The following BAG6 variants were observed in gnomAD, a reference collection of about 807,000 sequenced individuals.
BAG6 encodes the protein BAG cochaperone 6.
In BAG6, 22 loss-of-function variants were observed where a neutral mutation model predicts 121.0. The ratio of observed to expected loss-of-function variants is 0.18; its 90% CI spans 0.13 to 0.26. The LOEUF (loss-of-function observed/expected upper bound fraction) is 0.26, where lower values mean the gene tolerates loss of function less well. Ranked by LOEUF, BAG6 falls within the 10% of genes least tolerant of loss-of-function variation. The pLI is 1.00. For synonymous variants in BAG6, 583 were observed against 584.6 expected (o/e 1.00, Z 0.04); for missense variants, 1,233 against 1,537.7 (o/e 0.80, Z 3.31).
chr6:31,639,074 T>C lies in BAG6; in HGVS notation c.*57A>G. On this transcript the variant is annotated 3_prime_UTR_variant, in exon 26 of 26. Coordinates refer to ENST00000676615, the MANE Select transcript of BAG6 (RefSeq NM_001387994.1). ...AATCCGACTTTTATTTCTTAAATAC[T>C]GTGAAGGAAGAGGGGGGAAACGGTC... is the stretch of plus-strand genomic sequence containing the variant. The C allele has an allele frequency of 7.0e-7, 1 of 1,431,586 alleles. No individual in the cohort carries two copies. Among genetic ancestry groups the C allele is most frequent in the Non-Finnish European group, 9.7e-7 (1 of 1,033,368 alleles). 88.7% of individuals were successfully genotyped at this position (1,431,586 alleles called of 1,614,324 possible).
chr6:31,642,359 TG>T lies in BAG6; in HGVS notation c.2087del (p.Pro696HisfsTer102). On this transcript the variant is annotated frameshift_variant, in exon 16 of 26. Coordinates refer to ENST00000676615, the MANE Select transcript of BAG6 (RefSeq NM_001387994.1). LOFTEE classifies it high-confidence loss of function. The part of the protein sequence containing the change: ...APPPPPPPPP[P>X]PPAPEQQTMP... ...TGGTCTGCTGCTCTGGGGCAGGTGG[TG>T]GGGGTGGAGGAGGTGGGGGTGGTGG... is the stretch of plus-strand genomic sequence containing the variant. 5 of 315,294 alleles carry T rather than the reference TG, an allele frequency of 1.6e-5. No homozygotes were observed. Among genetic ancestry groups the T allele is most frequent in the Non-Finnish European group, 1.3e-5 (3 of 222,842 alleles). 19.5% of individuals were successfully genotyped at this position (315,294 alleles called of 1,614,324 possible). A position where few individuals can be genotyped will look rare whatever the true frequency, so the allele number is the denominator to read the frequency against.
rs147628511 is a variant in BAG6 at position 31,639,325 on chromosome 6, C to A, written c.3394-99G>T. ...TCCCTCAGAAGCTAACATTTCCCCCCCCAAGCACACTGTCAAATAGCCCGG... is the reference window on the plus strand; with the variant it reads ...TCCCTCAGAAGCTAACATTTCCCCCACCAAGCACACTGTCAAATAGCCCGG... On this transcript the variant is annotated intron_variant, in intron 25 of 25. Coordinates refer to ENST00000676615, the MANE Select transcript of BAG6 (RefSeq NM_001387994.1). 1.3e-3 allele frequency: 1,876 copies of A among 1,451,870 alleles called. 12 individuals carry two copies. The highest frequency in any genetic ancestry group is 5.5e-3 in the Admixed American group (304 of 54,878). 89.9% of individuals were successfully genotyped at this position (1,451,870 alleles called of 1,614,324 possible).
intron 15 of BAG6, 38 bp downstream of exon 15, chr6:31,642,791 G>C (rs534660309): frequency 1.2e-6 from 2 of 1,601,744 alleles, no homozygotes; most frequent in Admixed American, 3.4e-5. Context: ...TGGGCCGGGG[G>C]ACAGGAAGAT....
At position 31,640,243 on chromosome 6, in the gene BAG6, G is replaced by A; in HGVS notation, c.3202C>T (p.Leu1068=). ...ATACCACTGAGGTAGGCATCACTCAGAGGGGGCTGCGGTTTCACCTTCCGC... is the reference window on the plus strand; with the variant it reads ...ATACCACTGAGGTAGGCATCACTCAAAGGGGGCTGCGGTTTCACCTTCCGC... ...SQRKVKPQPP[L]SDAYLSGMPA... is the part of the protein sequence containing the mutation. Residue 1068 remains leucine (L), a synonymous_variant, in exon 24 of 26, where the codon CTG becomes TTG. Transcript: ENST00000676615. This position sits in a 1 kb window ranked among gnomAD's most constrained non-coding sequence, Gnocchi z 4.2. The A allele has an allele frequency of 1.2e-6, 2 of 1,614,226 alleles. No homozygotes were observed. The highest frequency in any genetic ancestry group is 1.1e-5 in the South Asian group (1 of 91,082).
chr6:31,647,693 T>C lies in BAG6; in HGVS notation c.686A>G (p.Glu229Gly). 1 of 1,604,544 alleles carries C rather than the reference T, an allele frequency of 6.2e-7. No homozygotes were observed. The highest frequency in any genetic ancestry group is 8.5e-7 in the Non-Finnish European group (1 of 1,176,852). The change falls in exon 7 of 26, where the codon GAG (glutamate) becomes GGG (glycine). Residue 229 changes from glutamate (E) to glycine (G), a missense_variant. Coordinates refer to ENST00000676615, the MANE Select transcript of BAG6 (RefSeq NM_001387994.1). Reference protein sequence around the residue: ...ESEAPPREPMEAEEVEERAPA... With the variant: ...ESEAPPREPMGAEEVEERAPA... ...GGCACGCTCCTCCACTTCTTCTGCCTCCATGGGCTCCCGGGGAGGTGCTTC... is the reference window on the plus strand; with the variant it reads ...GGCACGCTCCTCCACTTCTTCTGCCCCCATGGGCTCCCGGGGAGGTGCTTC...
In BAG6 at chr6:31,642,995, G is replaced by A. The variant is rs773406478; in HGVS notation, c.1877C>T (p.Pro626Leu). 9.4e-6 allele frequency: 15 copies of A among 1,595,180 alleles called. No homozygotes were observed. The South Asian group carries it at 1.4e-4, about 14-fold the overall frequency. Residue 626 changes from proline to leucine, a missense_variant, in exon 15 of 26, where the codon CCC becomes CTC. This residue lies in a region of BAG6 where 777 missense variants were observed against 861.4 expected (regional missense o/e 0.90). Coordinates refer to ENST00000676615, the MANE Select transcript of BAG6 (RefSeq NM_001387994.1). Reference protein sequence around the residue: ...PAPGGPAQPPPTPQPSMADLQ... With the variant: ...PAPGGPAQPPLTPQPSMADLQ... Reference sequence around the variant, plus strand: ...ATCAGCCATGGAGGGTTGAGGGGTGGGTGGAGGCTGGGCAGGCCCCCCAGG... The same window carrying A: ...ATCAGCCATGGAGGGTTGAGGGGTGAGTGGAGGCTGGGCAGGCCCCCCAGG...
At position 31,640,704 on chromosome 6, in the gene BAG6, G is replaced by A; in HGVS notation, c.2935C>T (p.Pro979Ser). ...YVRRVGDPPQ[P>S]LPEEPMEVQG... The stretch of plus-strand genomic sequence containing the variant: ...ACTTCCATTGGCTCCTCAGGAAGTG[G>A]CTGTGAAATTAAAGAACACCATACT... Residue 979 changes from proline to serine, a missense_variant and splice_region_variant, in exon 22 of 26, where the codon CCA becomes TCA. This residue lies in a region of BAG6 where 288 missense variants were observed against 483.1 expected (regional missense o/e 0.60). Coordinates refer to ENST00000676615, the MANE Select transcript of BAG6 (RefSeq NM_001387994.1). This position sits in a 1 kb window ranked among gnomAD's most constrained non-coding sequence, Gnocchi z 4.2. 6.2e-7 allele frequency: 1 copy of A among 1,612,984 alleles called. No homozygotes were observed. The highest frequency in any genetic ancestry group is 1.1e-5 in the South Asian group (1 of 91,082).
rs774607906 is a variant in BAG6, at chr6:31,651,733, C to T, written c.31G>A (p.Val11Met). The change falls in exon 2 of 26, where the codon GTG becomes ATG. Residue 11 changes from valine to methionine, a missense_variant. By Grantham distance (21) the Val-to-Met change is conservative. Coordinates refer to ENST00000676615, the MANE Select transcript of BAG6 (RefSeq NM_001387994.1). Reference sequence around the variant, plus strand: ...ACCTCCAAGCTGTCAGGCTCCTCCACAGCGGTACTGGTACTATCATTAGGC... The same window carrying T: ...ACCTCCAAGCTGTCAGGCTCCTCCATAGCGGTACTGGTACTATCATTAGGC... MEPNDSTSTAVEEPDSLEVLV... is the reference protein window; with the variant it reads MEPNDSTSTAMEEPDSLEVLV... 1.9e-6 allele frequency: 3 copies of T among 1,612,956 alleles called. No individual in the cohort carries two copies. The highest frequency in any genetic ancestry group is 2.5e-6 in the Non-Finnish European group (3 of 1,180,038).
Position 31,643,022 on chromosome 6 carries a change from G to T in BAG6, c.1850C>A (p.Ala617Asp). The T allele has an allele frequency of 6.3e-7, 1 of 1,589,690 alleles. No homozygotes were observed. The highest frequency in any genetic ancestry group is 8.6e-7 in the Non-Finnish European group (1 of 1,169,396). The change falls in exon 15 of 26, where the codon GCT becomes GAT. Residue 617 changes from alanine to aspartate, a missense_variant. Around this residue, in one of 7 missense-constraint regions of BAG6, gnomAD observed 777 missense variants for 861.4 expected, o/e 0.90. Coordinates refer to ENST00000676615, the MANE Select transcript of BAG6 (RefSeq NM_001387994.1). ...TGGAGGCTGGGCAGGCCCCCCAGGA[G>T]CGGGGCCAGCTGTGGTAGCTGTGTT... Reference protein sequence around the residue: ...TTNTATTAGPAPGGPAQPPPT... With the variant: ...TTNTATTAGPDPGGPAQPPPT...
In BAG6 at chr6:31,642,966, G is replaced by C. The variant is rs1784427329; in HGVS notation, c.1906C>G (p.Gln636Glu). The C allele has an allele frequency of 1.2e-6, 2 of 1,603,896 alleles. No individual in the cohort carries two copies. The highest frequency in any genetic ancestry group is 1.7e-6 in the Non-Finnish European group (2 of 1,175,704). The change falls in exon 15 of 26, where the codon CAG (glutamine) becomes GAG (glutamate). Residue 636 changes from glutamine (Q) to glutamate (E), a missense_variant. Physicochemically the swap from Gln to Glu is conservative, Grantham distance 29. This residue lies in a region of BAG6 where 777 missense variants were observed against 861.4 expected (regional missense o/e 0.90). Transcript: ENST00000676615. Reference protein sequence around the residue: ...PTPQPSMADLQFSQLLGNLLG... With the variant: ...PTPQPSMADLEFSQLLGNLLG... Reference sequence around the variant, plus strand: ...AGGTTCCCCAGAAGCTGAGAGAACTGAAGATCAGCCATGGAGGGTTGAGGG... The same window carrying C: ...AGGTTCCCCAGAAGCTGAGAGAACTCAAGATCAGCCATGGAGGGTTGAGGG...
In BAG6 at chr6:31,640,353, C is replaced by T; in HGVS notation, c.3138+32G>A. ...AGTAATGTCCTTGACTTTCAGCTGC[C>T]ATGACCCACTGGATTACTTCCTGAC... On this transcript the variant is annotated intron_variant, in intron 23 of 25. Coordinates refer to ENST00000676615, the MANE Select transcript of BAG6 (RefSeq NM_001387994.1). This position sits in a 1 kb window ranked among gnomAD's most constrained non-coding sequence, Gnocchi z 4.2. 6.2e-7 allele frequency: 1 copy of T among 1,614,208 alleles called. No individual in the cohort carries two copies. Among genetic ancestry groups the T allele is most frequent in the Non-Finnish European group, 8.5e-7 (1 of 1,180,030 alleles).
chr6:31,644,143 C>T lies in BAG6; in HGVS notation c.1607G>A (p.Arg536Gln), dbSNP rs1424359993. The T allele has an allele frequency of 2.5e-6, 4 of 1,614,022 alleles. No homozygotes were observed. The highest frequency in any genetic ancestry group is 3.4e-6 in the Non-Finnish European group (4 of 1,179,976). ...PTAPTRVVIA[R>Q]PTPPQARPSH... ...AGGCCGAGCCTGTGGAGGAGTGGGCCGGGCAATCACCACCCGGGTTGGAGC... is the reference window on the plus strand; with the variant it reads ...AGGCCGAGCCTGTGGAGGAGTGGGCTGGGCAATCACCACCCGGGTTGGAGC... Residue 536 changes from arginine to glutamine, a missense_variant, in exon 13 of 26, where the codon CGG becomes CAG. By Grantham distance (43) the Arg-to-Gln change is conservative (BLOSUM62 1). Around this residue, in one of 7 missense-constraint regions of BAG6, gnomAD observed 777 missense variants for 861.4 expected, o/e 0.90. Transcript: ENST00000676615. This position sits in a 1 kb window ranked among gnomAD's most constrained non-coding sequence, Gnocchi z 4.9.
At position 31,647,692 on chromosome 6, in the gene BAG6, C is replaced by T; in HGVS notation, c.687G>A (p.Glu229=). The T allele has an allele frequency of 6.2e-7, 1 of 1,604,342 alleles. No individual in the cohort carries two copies. Among genetic ancestry groups the T allele is most frequent in the Non-Finnish European group, 8.5e-7 (1 of 1,176,790 alleles). Residue 229 remains glutamate, a synonymous_variant, in exon 7 of 26, where the codon GAG becomes GAA. Transcript: ENST00000676615. ...GGGCACGCTCCTCCACTTCTTCTGC[C>T]TCCATGGGCTCCCGGGGAGGTGCTT... The part of the protein sequence containing the change: ...ESEAPPREPM[E]AEEVEERAPA...
chr6:31,645,680 G>A, intron 8 of BAG6, 76 bp from the exon 9 acceptor site: 1 of 1,529,734 alleles, frequency 6.5e-7, no homozygotes. Flanking sequence ...AAGCAATAAT[G>A]CCTACTGAGA....
At chr6:31,647,502 T>C in intron 7 of BAG6, 89 bp downstream of exon 7, 1 of 1,571,288 alleles carries the variant, frequency 6.4e-7, no homozygotes, top group Non-Finnish European at 8.6e-7. Flanking sequence ...CTCCAAGTAA[T>C]CCTTTCCCTC....
chr6:31,645,221 CAGATGTG>C (rs1412546380), intron 9 of BAG6, 23 bp from the exon 10 acceptor site: 1 of 1,601,342 alleles, frequency 6.2e-7, no homozygotes, highest in Non-Finnish European at 8.5e-7. Context: ...GATGGACAGG[CAGATGTG>C]AGAAAAATAC....
Position 31,639,443 on chromosome 6 carries a change from G to C in BAG6, c.3393+57C>G, listed in dbSNP as rs531363799. ...CATCGCTGAAGGGATCCAGGGAAGA[G>C]GGACCCTAGCCCAACCCCTCCCACT... On this transcript the variant is annotated intron_variant, in intron 25 of 25. Coordinates refer to ENST00000676615, the MANE Select transcript of BAG6 (RefSeq NM_001387994.1). 1.6e-5 allele frequency: 25 copies of C among 1,572,148 alleles called. No homozygotes were observed. In the South Asian group the frequency reaches 2.7e-4, roughly 17 times the overall value.
chr6:31,646,766 G>GTT (rs66820473), intron 7 of BAG6, among the ~76,000 whole-genome samples: 1,612 of 60,738 alleles, frequency 0.027, 52 homozygotes, highest in East Asian at 0.036. Context: ...GCTAATTTTT[G>GTT]TTTTTTTTTT....
At position 31,639,572 on chromosome 6, in the gene BAG6, C is replaced by T. The variant is rs756727682; in HGVS notation, c.3321G>A (p.Arg1107=). The change falls in exon 25 of 26, where the codon CGG becomes CGA. Residue 1107 remains arginine, a synonymous_variant. Transcript: ENST00000676615. The part of the protein sequence containing the change: ...VSRAAKAAGA[R]PLTSPESLSR... ...TCAGGCTCTCGGGGCTCGTCAGGGG[C>T]CGAGCTCCGGCTGCCTTAGCTGCCC... 6 of 1,614,102 alleles carry T rather than the reference C, an allele frequency of 3.7e-6. No individual in the cohort carries two copies. Among genetic ancestry groups the T allele is most frequent in the Non-Finnish European group, 4.2e-6 (5 of 1,179,964 alleles).
Sources: gnomAD v4.1 joint callset for allele counts (sites outside exome capture counted in the v4.1 genomes callset) on GRCh38, gnomAD v4.1.1 for gene constraint, gnomAD v4.1.1 regional missense constraint, Gnocchi (gnomAD v3.1) non-coding constraint, MANE v1.5 for transcripts, NCBI Gene and HGNC (gene_info 2026-07-23, HGNC 2026-07-21) for gene names.